The following CTNND2 variants were observed in gnomAD, a reference collection of about 807,000 sequenced individuals.
The protein encoded by CTNND2 is catenin delta-2.
CTNND2 carries 22 observed loss-of-function variants against 144.4 expected under a neutral mutation model. The ratio of observed to expected loss-of-function variants is 0.15; its 90% CI spans 0.11 to 0.22. The LOEUF (loss-of-function observed/expected upper bound fraction) is 0.22. Among genes scored for constraint, CTNND2 ranks in the 10% least tolerant of loss-of-function variants. The pLI, the probability that CTNND2 is intolerant of heterozygous loss-of-function variation, is 1.00. For synonymous variants in CTNND2, 751 were observed against 695.6 expected, an observed-to-expected ratio of 1.08 and a Z score of -1.25; for missense variants, 1,353 against 1,618.8, an observed-to-expected ratio of 0.84 and a Z score of 2.82.
intron 2 of CTNND2, among the ~76,000 whole-genome samples, chr5:11,695,914 C>T (rs1022969912): frequency 6.6e-6 from 1 of 152,098 alleles, no homozygotes; most frequent in African/African-American, 2.4e-5. Context: ...TTGTCCAGTT[C>T]CTTAGACAGT....
intron 2 of CTNND2, among the ~76,000 whole-genome samples, chr5:11,598,255 C>T (rs550664318): frequency 9.2e-5 from 14 of 152,136 alleles, no homozygotes; most frequent in African/African-American, 3.4e-4. Context: ...CTAACAACCA[C>T]CACATCATGT....
intron 16 of CTNND2, among the ~76,000 whole-genome samples, chr5:11,081,166 G>A (rs1169858610): frequency 6.6e-6 from 1 of 152,064 alleles, no homozygotes; most frequent in East Asian, 1.9e-4. Context: ...GGTTATGAGA[G>A]ACTGAAGGTA....
chr5:11,415,833 G>A (rs1394748707), intron 3 of CTNND2, among the ~76,000 whole-genome samples: 2 of 151,994 alleles, frequency 1.3e-5, no homozygotes, highest in Non-Finnish European at 2.9e-5. Flanking sequence ...GAAGTGACAA[G>A]TGCCACTTTA....
intron 9 of CTNND2, among the ~76,000 whole-genome samples, chr5:11,321,737 C>A (rs952300829): frequency 2.2e-4 from 33 of 152,242 alleles, no homozygotes; most frequent in African/African-American, 6.5e-4. Context: ...CACATGCATG[C>A]ACACACATCA....
intron 3 of CTNND2, among the ~76,000 whole-genome samples, chr5:11,484,103 G>A (rs571798544): frequency 4.6e-5 from 7 of 152,276 alleles, no homozygotes; most frequent in African/African-American, 1.7e-4. Context: ...CCAACTAATG[G>A]CCACTCCACA....
intron 3 of CTNND2, among the ~76,000 whole-genome samples, chr5:11,545,555 G>A (rs1354470051): frequency 1.2e-4 from 18 of 149,164 alleles, no homozygotes; most frequent in African/African-American, 3.9e-4. Flanking sequence ...TCAGGTCCTC[G>A]GGAGACTGAA....
Position 11,805,083 on chromosome 5 carries a change from TCTA to T in CTNND2, c.38-72814_38-72812del, listed in dbSNP as rs149158848. Among the ~76,000 whole-genome samples, 480 of 152,306 alleles carry T rather than the reference TCTA, an allele frequency of 3.2e-3. 3 individuals are homozygous for T. The highest frequency in any genetic ancestry group is 0.011 in the African/African-American group (457 of 41,580). ...AACGACTGTGATCTTGCTATACTTC[TCTA>T]CTGTCACTGAACAATTAAGTAAAAG... On this transcript the variant is annotated intron_variant, in intron 1 of 21. Transcript: ENST00000304623.
chr5:11,171,025 T>C lies in CTNND2; in HGVS notation c.1976-11266A>G, dbSNP rs554699843. ...GCTCCCACGATTCAATTACCTCCCA[T>C]GGGGTCCCTCCCATGACATGTGGGG... On this transcript the variant is annotated intron_variant, in intron 11 of 21. Coordinates refer to ENST00000304623, the MANE Select transcript of CTNND2 (RefSeq NM_001332.4). Among the ~76,000 whole-genome samples, 128 of 152,292 alleles carry C rather than the reference T, an allele frequency of 8.4e-4. 4 individuals carry two copies. In the South Asian group the frequency reaches 0.026, roughly 31 times the overall value.
chr5:11,134,830 G>T (rs1755971738), intron 12 of CTNND2, among the ~76,000 whole-genome samples: 1 of 152,152 alleles, frequency 6.6e-6, no homozygotes, highest in Admixed American at 6.5e-5. Flanking sequence ...GCACCACTGG[G>T]TGCACAATTT....
chr5:11,252,931 G>A (rs1743821920), intron 9 of CTNND2, among the ~76,000 whole-genome samples: 1 of 152,150 alleles, frequency 6.6e-6, no homozygotes, highest in African/African-American at 2.4e-5. Flanking sequence ...TAAATCAAGA[G>A]TTGTGTAATC....
chr5:11,092,041 C>A (rs1289735192), intron 15 of CTNND2, among the ~76,000 whole-genome samples: 1 of 152,162 alleles, frequency 6.6e-6, no homozygotes, highest in Non-Finnish European at 1.5e-5. Context: ...CTACCGAGAT[C>A]CCCCTGGTCC....
intron 1 of CTNND2, among the ~76,000 whole-genome samples, chr5:11,894,029 T>C (rs1287159691): frequency 2.0e-5 from 3 of 152,196 alleles, no homozygotes; most frequent in Non-Finnish European, 4.4e-5. Flanking sequence ...TAGATTTCTG[T>C]AACTTACACA....
chr5:11,120,647 C>T (rs1332881647), intron 12 of CTNND2, among the ~76,000 whole-genome samples: 1 of 66,868 alleles, frequency 1.5e-5, no homozygotes, highest in Non-Finnish European at 3.2e-5. Context: ...TACATATAGA[C>T]TTCAAGAGGG....
intron 11 of CTNND2, among the ~76,000 whole-genome samples, chr5:11,174,729 C>A (rs78019817): frequency 1.9e-3 from 293 of 152,270 alleles, no homozygotes; most frequent in African/African-American, 6.8e-3. Flanking sequence ...GGATAAAAAT[C>A]ACTTATTTTA....
intron 9 of CTNND2, among the ~76,000 whole-genome samples, chr5:11,240,675 C>A (rs1742279938): frequency 6.8e-6 from 1 of 146,808 alleles, no homozygotes; most frequent in African/African-American, 2.5e-5. Flanking sequence ...ACCCAATACA[C>A]ACATCCAACA....
At chr5:11,352,776 G>T (rs1755458093) in intron 8 of CTNND2, among the ~76,000 whole-genome samples, 1 of 152,126 alleles carries the variant, frequency 6.6e-6, no homozygotes, top group Admixed American at 6.5e-5. Context: ...TAACACAAAG[G>T]ATCCTGCTCA....
chr5:11,291,028 ATGAAGAGAAG>A (rs1748289894), intron 9 of CTNND2, among the ~76,000 whole-genome samples: 1 of 152,066 alleles, frequency 6.6e-6, no homozygotes, highest in South Asian at 2.1e-4. Flanking sequence ...AATCAGATAC[ATGAAGAGAAG>A]TGAAGAGAAG....
At chr5:11,141,756 G>C (rs189626614) in intron 12 of CTNND2, among the ~76,000 whole-genome samples, 72 of 152,242 alleles carry the variant, frequency 4.7e-4, no homozygotes, top group African/African-American at 1.6e-3. Flanking sequence ...GGCCAATTTT[G>C]GTCTGCAGAT....
intron 17 of CTNND2, among the ~76,000 whole-genome samples, chr5:11,019,113 A>G (rs1369892638): frequency 6.6e-6 from 1 of 152,240 alleles, no homozygotes; most frequent in Admixed American, 6.5e-5. Context: ...AGATATTTCT[A>G]CAACATAAAC....
Sources: allele counts gnomAD v4.1 joint callset (sites outside exome capture counted in the v4.1 genomes callset), GRCh38; gene constraint gnomAD v4.1.1; transcripts MANE v1.5; gene names NCBI Gene and HGNC (gene_info 2026-07-23, HGNC 2026-07-21).